Variants in KCNH1 observed in about 807,000 individuals in gnomAD.
KCNH1 encodes voltage-gated delayed rectifier potassium channel KCNH1.
Under a neutral mutation model 69.2 loss-of-function variants are expected in KCNH1, and 27 were observed. The ratio of observed to expected loss-of-function variants is 0.39; its 90% CI spans 0.29 to 0.54. KCNH1 has a LOEUF of 0.54. Ranked by LOEUF, KCNH1 falls within the 20% of genes least tolerant of loss-of-function variation. The pLI, the probability that KCNH1 is intolerant of heterozygous loss-of-function variation, is 0.68. For synonymous variants in KCNH1, 456 were observed against 487.7 expected, an observed-to-expected ratio of 0.93 and a Z score of 0.86; for missense variants, 798 against 1,261.6, an observed-to-expected ratio of 0.63 and a Z score of 5.57.
intron 7 of KCNH1, among the ~76,000 whole-genome samples, chr1:210,808,968 G>A (rs1684642686): frequency 6.6e-6 from 1 of 152,020 alleles, no homozygotes; most frequent in Non-Finnish European, 1.5e-5. Flanking sequence ...TGGATTCTTT[G>A]GGTCCTTCTA....
intron 7 of KCNH1, among the ~76,000 whole-genome samples, chr1:210,881,017 A>ATT (rs760625361): frequency 1.8e-5 from 2 of 112,520 alleles, no homozygotes; most frequent in East Asian, 2.5e-4. Context: ...AAACAGTAAT[A>ATT]TTTTTTTTTT....
intron 10 of KCNH1, among the ~76,000 whole-genome samples, chr1:210,709,338 CAA>C (rs1206384719): frequency 6.6e-6 from 1 of 152,072 alleles, no homozygotes; most frequent in Non-Finnish European, 1.5e-5. Context: ...CGGCAGAAGC[CAA>C]GGAGCACTGG....
At chr1:210,969,642 T>C (rs1334922580) in intron 6 of KCNH1, among the ~76,000 whole-genome samples, 1 of 152,134 alleles carries the variant, frequency 6.6e-6, no homozygotes, top group African/African-American at 2.4e-5. Context: ...CCTAACGTTG[T>C]TTGGTCTGAG....
At chr1:210,981,409 C>T (rs1475650697) in intron 6 of KCNH1, among the ~76,000 whole-genome samples, 1 of 141,666 alleles carries the variant, frequency 7.1e-6, no homozygotes, top group Admixed American at 7.1e-5. Context: ...TCCCTTATCA[C>T]ACCATGGCTA....
intron 6 of KCNH1, among the ~76,000 whole-genome samples, chr1:210,960,636 T>C (rs905575645): frequency 3.9e-5 from 6 of 152,232 alleles, no homozygotes; most frequent in Non-Finnish European, 5.9e-5. Context: ...ATTGTATAAA[T>C]GCATCACAAT....
chr1:210,836,013 C>T (rs1685272241), intron 7 of KCNH1, among the ~76,000 whole-genome samples: 1 of 150,448 alleles, frequency 6.6e-6, no homozygotes. Context: ...CCCTGTAGTC[C>T]CAGCTACTAG....
intron 7 of KCNH1, among the ~76,000 whole-genome samples, chr1:210,917,617 G>A (rs1453890604): frequency 6.6e-6 from 1 of 152,106 alleles, no homozygotes; most frequent in African/African-American, 2.4e-5. Context: ...CATAAAATGG[G>A]ACCCATTTTC....
chr1:210,773,544 G>A (rs1683794596), intron 10 of KCNH1, among the ~76,000 whole-genome samples: 1 of 152,190 alleles, frequency 6.6e-6, no homozygotes. Flanking sequence ...ACAGGCATTG[G>A]AACCTTGTAC....
chr1:211,055,653 C>G (rs1024427147), intron 5 of KCNH1, among the ~76,000 whole-genome samples: 1 of 152,204 alleles, frequency 6.6e-6, no homozygotes, highest in Admixed American at 6.5e-5. Context: ...CCAGGAAAGA[C>G]TCCTTCCCTC....
At chr1:210,963,464 A>G (rs1472033277) in intron 6 of KCNH1, among the ~76,000 whole-genome samples, 1 of 152,190 alleles carries the variant, frequency 6.6e-6, no homozygotes, top group Non-Finnish European at 1.5e-5. Context: ...AATAGGCTTC[A>G]GAAGGTCGGT....
intron 6 of KCNH1, among the ~76,000 whole-genome samples, chr1:210,937,637 G>A (rs1434638131): frequency 1.3e-5 from 2 of 152,194 alleles, no homozygotes; most frequent in Non-Finnish European, 1.5e-5. Context: ...AGTAGCAGCA[G>A]CAGTGGTATA....
intron 7 of KCNH1, among the ~76,000 whole-genome samples, chr1:210,911,022 T>A (rs1328157762): frequency 6.6e-6 from 1 of 151,630 alleles, no homozygotes; most frequent in South Asian, 2.1e-4. Context: ...GTGTAGATTG[T>A]AAGTTAACTG....
At chr1:211,097,831 C>T (rs943285200) in intron 3 of KCNH1, among the ~76,000 whole-genome samples, 2 of 152,340 alleles carry the variant, frequency 1.3e-5, no homozygotes, top group African/African-American at 4.8e-5. Flanking sequence ...CTCCCAGATT[C>T]CAGGCCGCCA....
intron 1 of KCNH1, among the ~76,000 whole-genome samples, chr1:211,131,606 ACAAT>A (rs1691876923): frequency 6.6e-6 from 1 of 152,222 alleles, no homozygotes; most frequent in African/African-American, 2.4e-5. Flanking sequence ...TTAGAATGAG[ACAAT>A]CAATATCTTT....
intron 5 of KCNH1, among the ~76,000 whole-genome samples, chr1:211,064,850 G>A (rs1004437813): frequency 1.3e-5 from 2 of 152,048 alleles, no homozygotes; most frequent in South Asian, 2.1e-4. Context: ...TTTCTCAAAA[G>A]AAGACATACA....
At chr1:210,705,787 C>T (rs1681895564) in intron 10 of KCNH1, among the ~76,000 whole-genome samples, 1 of 152,134 alleles carries the variant, frequency 6.6e-6, no homozygotes, top group African/African-American at 2.4e-5. Flanking sequence ...AGCCATCTCT[C>T]CTTCCTTACC....
chr1:210,805,804 T>A (rs2102408556), intron 7 of KCNH1, among the ~76,000 whole-genome samples: 1 of 152,340 alleles, frequency 6.6e-6, no homozygotes, highest in East Asian at 1.9e-4. Context: ...TCTATCTCTA[T>A]TGATTTCCAT....
intron 10 of KCNH1, among the ~76,000 whole-genome samples, chr1:210,730,113 A>T (rs1682708010): frequency 6.6e-6 from 1 of 152,216 alleles, no homozygotes; most frequent in African/African-American, 2.4e-5. Flanking sequence ...GTGATGACAC[A>T]GGAGGAAGAT....
intron 5 of KCNH1, among the ~76,000 whole-genome samples, chr1:211,080,051 C>T (rs1288679808): frequency 3.3e-5 from 5 of 152,108 alleles, no homozygotes; most frequent in East Asian, 1.9e-4. Context: ...GATGACATGA[C>T]TGTATATTTA....
Sources: allele counts gnomAD v4.1 joint callset (sites outside exome capture counted in the v4.1 genomes callset), GRCh38; gene constraint gnomAD v4.1.1; transcripts MANE v1.5; gene names NCBI Gene and HGNC (gene_info 2026-07-23, HGNC 2026-07-21).